Variants in PPM1D observed in about 807,000 individuals in gnomAD.
The protein encoded by PPM1D is protein phosphatase, Mg2+/Mn2+ dependent 1D, also known as protein phosphatase 1D.
In PPM1D, 52 loss-of-function variants were observed where a neutral mutation model predicts 58.3. That is an observed-to-expected ratio of 0.89 (90% CI 0.71 to 1.12). PPM1D has a LOEUF of 1.12. PPM1D is among the 50% of genes most tolerant of loss of function. The pLI is 0.00. For synonymous variants in PPM1D, 278 were observed against 285.1 expected, an observed-to-expected ratio of 0.98 and a Z score of 0.25; for missense variants, 564 against 777.2, an observed-to-expected ratio of 0.73 and a Z score of 3.26.
intron 3 of PPM1D, 33 bp downstream of exon 3, chr17:60,634,010 G>T: frequency 2.5e-6 from 4 of 1,605,592 alleles, no homozygotes; most frequent in Non-Finnish European, 3.4e-6. Flanking sequence ...AAATTATATT[G>T]AATTTTCTAC....
intron 4 of PPM1D, among the ~76,000 whole-genome samples, chr17:60,655,921 T>C (rs2031430537): frequency 6.6e-6 from 1 of 151,116 alleles, no homozygotes; most frequent in Non-Finnish European, 1.5e-5. Flanking sequence ...GAGGATGGTC[T>C]CGATCTCCTG....
At chr17:60,651,672 A>G (rs754695867) in intron 4 of PPM1D, among the ~76,000 whole-genome samples, 78 of 152,260 alleles carry the variant, frequency 5.1e-4, no homozygotes, top group Non-Finnish European at 8.1e-4. Flanking sequence ...CTGGGATTAC[A>G]GGTGTGAACC....
At chr17:60,620,908 T>TTTTTC (rs1204803391) in intron 1 of PPM1D, among the ~76,000 whole-genome samples, 1 of 152,034 alleles carries the variant, frequency 6.6e-6, no homozygotes, top group Non-Finnish European at 1.5e-5. Context: ...GTGCTTTTTG[T>TTTTTC]TTTTCTTTTC....
At chr17:60,661,219 CAAAAAA>C (rs373913706) in intron 5 of PPM1D, among the ~76,000 whole-genome samples, 4 of 48,978 alleles carry the variant, frequency 8.2e-5, no homozygotes, top group Non-Finnish European at 1.9e-4. Flanking sequence ...AACTCCATCT[CAAAAAA>C]AAAAAAAAAA....
In PPM1D at chr17:60,656,758, C is replaced by T; in HGVS notation, c.1177C>T (p.Leu393=). The T allele has an allele frequency of 6.2e-7, 1 of 1,614,162 alleles. No individual in the cohort carries two copies. Among genetic ancestry groups the T allele is most frequent in the Non-Finnish European group, 8.5e-7 (1 of 1,180,032 alleles). The part of the protein sequence containing the change: ...GNFTNEDELY[L]NLTDSPSYNS... ...CTTTACCAATGAAGATGAGTTATAC[C>T]TGAACCTGACTGACAGCCCTTCCTA... The change falls in exon 5 of 6, where the codon CTG becomes TTG. Residue 393 remains leucine, a synonymous_variant. Transcript: ENST00000305921.
chr17:60,645,646 G>GTATA (rs544614194), intron 3 of PPM1D, among the ~76,000 whole-genome samples: 33 of 126,588 alleles, frequency 2.6e-4, no homozygotes, highest in African/African-American at 9.0e-4. Flanking sequence ...GTGTGTGTGT[G>GTATA]TATATATATA....
chr17:60,618,150 A>G (rs986029558), intron 1 of PPM1D, among the ~76,000 whole-genome samples: 18 of 151,940 alleles, frequency 1.2e-4, no homozygotes, highest in Non-Finnish European at 1.9e-4. Flanking sequence ...TGTAGCCCTT[A>G]TTATTGTTTT....
intron 3 of PPM1D, among the ~76,000 whole-genome samples, chr17:60,642,286 A>G (rs147125258): frequency 6.6e-6 from 1 of 152,236 alleles, no homozygotes; most frequent in East Asian, 1.9e-4. Context: ...TAAGTTAAAA[A>G]ATATTGAATA....
At chr17:60,603,364 TTA>T in intron 1 of PPM1D, among the ~76,000 whole-genome samples, 1 of 152,256 alleles carries the variant, frequency 6.6e-6, no homozygotes, top group East Asian at 1.9e-4. Context: ...ACTTATATGT[TTA>T]TATATATATT....
Position 60,622,122 on chromosome 17 carries a change from G to A in PPM1D, c.473-1399G>A, listed in dbSNP as rs549925875. Among the ~76,000 whole-genome samples the A allele has an allele frequency of 5.3e-4, 80 of 150,900 alleles. 1 individual carries two copies. The highest frequency in any genetic ancestry group is 3.2e-3 in the Admixed American group (48 of 15,214). ...GAAGAATGGCGTGAACCTGGGAGGC[G>A]GAGCTTGCAGTGAGCCGAGATCATG... On this transcript the variant is annotated intron_variant, in intron 1 of 5. Transcript: ENST00000305921.
intron 5 of PPM1D, among the ~76,000 whole-genome samples, chr17:60,660,251 G>A (rs529609711): frequency 4.6e-5 from 7 of 152,250 alleles, no homozygotes; most frequent in Non-Finnish European, 7.4e-5. Context: ...CAGGAGAATC[G>A]CTTGAACCCA....
chr17:60,657,671 T>G (rs1191411229), intron 5 of PPM1D, among the ~76,000 whole-genome samples: 1 of 152,244 alleles, frequency 6.6e-6, no homozygotes, highest in African/African-American at 2.4e-5. Context: ...TGCTTTGCTT[T>G]CTTTCACTTT....
intron 1 of PPM1D, among the ~76,000 whole-genome samples, chr17:60,602,253 G>C (rs144164671): frequency 2.6e-5 from 4 of 152,250 alleles, no homozygotes; most frequent in South Asian, 4.1e-4. Context: ...TGATATCATT[G>C]ACTGCAGGGC....
intron 1 of PPM1D, among the ~76,000 whole-genome samples, chr17:60,612,211 C>T (rs181564328): frequency 6.6e-6 from 1 of 152,278 alleles, no homozygotes; most frequent in Admixed American, 6.5e-5. Context: ...TTGCAATTAT[C>T]CCACATTCTC....
intron 3 of PPM1D, among the ~76,000 whole-genome samples, chr17:60,643,055 GAAAAAA>G (rs61233619): frequency 1.4e-5 from 1 of 73,666 alleles, no homozygotes; most frequent in African/African-American, 4.0e-5. Flanking sequence ...CGTCTCAAAA[GAAAAAA>G]AAAAAAAAAA....
rs541664685 is a variant in PPM1D, at chr17:60,663,520, C to T, written c.1786C>T (p.His596Tyr). The T allele has an allele frequency of 7.4e-6, 12 of 1,611,060 alleles. No homozygotes were observed. The highest frequency in any genetic ancestry group is 1.0e-5 in the Non-Finnish European group (12 of 1,180,000). Residue 596 changes from histidine to tyrosine, a missense_variant, in exon 6 of 6, where the codon CAT (histidine) becomes TAT (tyrosine). Physicochemically the swap from His to Tyr is moderately conservative, Grantham distance 83. This residue lies in a region of PPM1D where 261 missense variants were observed against 270.1 expected (regional missense o/e 0.97). Coordinates refer to ENST00000305921, the MANE Select transcript of PPM1D (RefSeq NM_003620.4). ...GQKKIGNPLLHQHRKTVCVC is the reference protein window; with the variant it reads ...GQKKIGNPLLYQHRKTVCVC ...GAAGAAAATTGGAAATCCTTTACTT[C>T]ATCAACACAGGAAAACTGTTTGTGT...
At chr17:60,647,273 T>A (rs907322360) in intron 3 of PPM1D, among the ~76,000 whole-genome samples, 1 of 152,346 alleles carries the variant, frequency 6.6e-6, no homozygotes, top group Non-Finnish European at 1.5e-5. Flanking sequence ...ATAGAATCTA[T>A]AATCTTCATA....
intron 2 of PPM1D, among the ~76,000 whole-genome samples, chr17:60,630,857 G>T (rs558026348): frequency 6.6e-6 from 1 of 152,336 alleles, no homozygotes; most frequent in Non-Finnish European, 1.5e-5. Flanking sequence ...AGAGCTTTAA[G>T]ATGGTATTAA....
intron 1 of PPM1D, among the ~76,000 whole-genome samples, chr17:60,615,916 TC>T (rs1204175541): frequency 6.6e-6 from 1 of 152,142 alleles, no homozygotes; most frequent in Non-Finnish European, 1.5e-5. Flanking sequence ...AGCTTCTAAC[TC>T]CTGGGCTCAA....
Sources: allele counts gnomAD v4.1 joint callset (sites outside exome capture counted in the v4.1 genomes callset), GRCh38; gene constraint gnomAD v4.1.1; regional missense constraint gnomAD v4.1.1; transcripts MANE v1.5; gene names NCBI Gene and HGNC (gene_info 2026-07-23, HGNC 2026-07-21).